The following SLC5A12 variants were observed in gnomAD, a reference collection of about 807,000 sequenced individuals.
The protein encoded by SLC5A12 is solute carrier family 5 member 12, also known as sodium-coupled monocarboxylate transporter 2.
In SLC5A12, 46 loss-of-function variants were observed where a neutral mutation model predicts 72.7. The ratio of observed to expected loss-of-function variants is 0.63; its 90% confidence interval spans 0.50 to 0.81. The LOEUF (loss-of-function observed/expected upper bound fraction) is 0.81. Ranked by LOEUF, SLC5A12 falls within the 30% of genes least tolerant of loss-of-function variation. The pLI is 0.00. For missense variants in SLC5A12, 683 were observed against 740.7 expected, an observed-to-expected ratio of 0.92 and a Z score of 0.90; for synonymous variants, 275 against 264.4, an observed-to-expected ratio of 1.04 and a Z score of -0.39.
chr11:26,672,936 T>C (rs771252228), intron 14 of SLC5A12, among the ~76,000 whole-genome samples: 21 of 152,140 alleles, frequency 1.4e-4, no homozygotes, highest in Non-Finnish European at 2.5e-4. Flanking sequence ...CTCTGTATAA[T>C]ACCCCCCTTA....
At chr11:26,688,141 A>C (rs1373942933) in intron 9 of SLC5A12, among the ~76,000 whole-genome samples, 1 of 152,192 alleles carries the variant, frequency 6.6e-6, no homozygotes, top group East Asian at 1.9e-4. Flanking sequence ...ACCAGATTGC[A>C]ACCAACAGCA....
intron 8 of SLC5A12, among the ~76,000 whole-genome samples, chr11:26,693,522 G>C (rs1298495837): frequency 6.6e-6 from 1 of 152,068 alleles, no homozygotes; most frequent in African/African-American, 2.4e-5. Context: ...CTGAACGTTG[G>C]GGTTTTCTTT....
intron 7 of SLC5A12, among the ~76,000 whole-genome samples, chr11:26,697,798 C>T (rs990670138): frequency 2.0e-5 from 3 of 151,678 alleles, no homozygotes; most frequent in Admixed American, 1.3e-4. Flanking sequence ...AAGGCAGCAG[C>T]GACATCCAAA....
In SLC5A12 at chr11:26,721,853, A is replaced by G; in HGVS notation, c.-139T>C. On this transcript the variant is annotated 5_prime_UTR_variant, in exon 1 of 15. Coordinates refer to ENST00000396005, the MANE Select transcript of SLC5A12 (RefSeq NM_178498.4). ...CCTGAAGAAAATGATTACCAGAGGCACTCGTGTGAATCTTCAGACACCAAC... is the reference window on the plus strand; with the variant it reads ...CCTGAAGAAAATGATTACCAGAGGCGCTCGTGTGAATCTTCAGACACCAAC... The G allele has an allele frequency of 4.0e-6, 3 of 751,138 alleles. No homozygotes were observed. The highest frequency in any genetic ancestry group is 4.9e-5 in the Admixed American group (2 of 40,854). 46.5% of individuals were successfully genotyped at this position (751,138 alleles called of 1,614,324 possible).
chr11:26,711,120 T>A (rs1486732644), intron 3 of SLC5A12, among the ~76,000 whole-genome samples, 187 bp downstream of exon 3: 1 of 152,120 alleles, frequency 6.6e-6, no homozygotes, highest in Non-Finnish European at 1.5e-5. Flanking sequence ...ACCAAGTAAC[T>A]AATTGTTTGC....
At chr11:26,676,354 G>GAAAAAAAAAA (rs1565183526) in intron 13 of SLC5A12, among the ~76,000 whole-genome samples, 1 of 107,292 alleles carries the variant, frequency 9.3e-6, no homozygotes. Flanking sequence ...TCTGTTTCTA[G>GAAAAAAAAAA]AAAACAAAAA....
intron 3 of SLC5A12, among the ~76,000 whole-genome samples, chr11:26,709,875 A>T (rs1855180107): frequency 6.7e-6 from 1 of 149,552 alleles, no homozygotes; most frequent in Non-Finnish European, 1.5e-5. Context: ...GTTTTAATAG[A>T]TCTTTGACTT....
At chr11:26,683,106 A>C (rs1854447653) in intron 11 of SLC5A12, among the ~76,000 whole-genome samples, 1 of 152,198 alleles carries the variant, frequency 6.6e-6, no homozygotes, top group South Asian at 2.1e-4. Context: ...ACATGGCAAT[A>C]ATTGAAAGAT....
chr11:26,714,918 T>C (rs555210156), intron 1 of SLC5A12, among the ~76,000 whole-genome samples: 4 of 152,260 alleles, frequency 2.6e-5, no homozygotes, highest in East Asian at 3.9e-4. Flanking sequence ...AGCCAGAATG[T>C]ATAGTCCGGT....
intron 8 of SLC5A12, among the ~76,000 whole-genome samples, chr11:26,693,086 G>T (rs192433168): frequency 6.6e-6 from 1 of 152,320 alleles, no homozygotes; most frequent in East Asian, 1.9e-4. Context: ...CGTAGATCTT[G>T]CACTCTAACT....
intron 11 of SLC5A12, among the ~76,000 whole-genome samples, chr11:26,681,966 G>T (rs1016580084): frequency 4.6e-5 from 7 of 151,934 alleles, no homozygotes; most frequent in East Asian, 1.9e-4. Context: ...CTCCATTATT[G>T]TTTGAAGAAA....
chr11:26,674,786 G>A (rs1003262546), intron 13 of SLC5A12, among the ~76,000 whole-genome samples: 4 of 152,010 alleles, frequency 2.6e-5, no homozygotes. Context: ...AAAGACATTT[G>A]GCCACATAGA....
Position 26,671,177 on chromosome 11 carries a change from G to T in SLC5A12, c.1782C>A (p.Ser594Arg), listed in dbSNP as rs182665465. 4 of 1,612,434 alleles carry T rather than the reference G, an allele frequency of 2.5e-6. No homozygotes were observed. Among genetic ancestry groups the T allele is most frequent in the Admixed American group, 1.7e-5 (1 of 59,798 alleles). Reference protein sequence around the residue: ...SVLQNGLRRESLVHVPGYDPK... With the variant: ...SVLQNGLRRERLVHVPGYDPK... ...GATCATAGCCTGGAACATGTACCAG[G>T]CTTTCTCTTCTGAGTCCGTTCTGTA... Residue 594 changes from serine to arginine, a missense_variant, in exon 15 of 15, where the codon AGC becomes AGA. Transcript: ENST00000396005.
intron 9 of SLC5A12, among the ~76,000 whole-genome samples, chr11:26,689,331 G>C (rs996757872): frequency 2.0e-5 from 3 of 152,146 alleles, no homozygotes; most frequent in Non-Finnish European, 4.4e-5. Context: ...CCGGGAGGCG[G>C]AGGTGGCAGT....
intron 9 of SLC5A12, among the ~76,000 whole-genome samples, chr11:26,690,775 C>A (rs906368776): frequency 3.5e-5 from 5 of 144,804 alleles, no homozygotes; most frequent in African/African-American, 7.8e-5. Context: ...CCATGGCCAA[C>A]AAGAGTGAAA....
chr11:26,718,626 G>A (rs4922767), intron 1 of SLC5A12, among the ~76,000 whole-genome samples: 48 of 392 alleles, frequency 0.12, no homozygotes, highest in Middle Eastern at 0.5. Context: ...AATTTTGTGT[G>A]TGTGTGTGTG....
At chr11:26,703,320 A>G (rs907322878) in intron 6 of SLC5A12, among the ~76,000 whole-genome samples, 6 of 151,448 alleles carry the variant, frequency 4.0e-5, no homozygotes, top group Non-Finnish European at 5.9e-5. Flanking sequence ...TTCAGTTCAC[A>G]CCCCACCTCT....
chr11:26,707,692 C>T (rs1370000142), intron 4 of SLC5A12, among the ~76,000 whole-genome samples: 1 of 151,986 alleles, frequency 6.6e-6, no homozygotes, highest in Non-Finnish European at 1.5e-5. Context: ...TATCTATTCT[C>T]TTATTCAGTA....
chr11:26,704,825 TG>T (rs1170934414), intron 4 of SLC5A12, among the ~76,000 whole-genome samples: 1 of 152,084 alleles, frequency 6.6e-6, no homozygotes, highest in East Asian at 1.9e-4. Context: ...AAACACTCTT[TG>T]CAAAATTAGT....
Sources: gnomAD v4.1 joint callset for allele counts (sites outside exome capture counted in the v4.1 genomes callset) on GRCh38, gnomAD v4.1.1 for gene constraint, MANE v1.5 for transcripts, NCBI Gene and HGNC (gene_info 2026-07-23, HGNC 2026-07-21) for gene names.